The following RERE variants were observed in gnomAD, a reference collection of about 807,000 sequenced individuals.
The protein encoded by RERE is arginine-glutamic acid dipeptide repeats protein.
A neutral mutation model predicts 146.1 loss-of-function variants in RERE; 40 were observed. The ratio of observed to expected loss-of-function variants is 0.27; its 90% CI spans 0.21 to 0.36. RERE has a LOEUF of 0.36. RERE is among the 10% of genes least tolerant of loss of function. RERE has a pLI of 1.00. For missense variants in RERE, 1,933 were observed against 2,138.7 expected (o/e 0.90, Z 1.90); for synonymous variants, 1,003 against 866.0 (o/e 1.16, Z -2.78).
chr1:8,384,103 C>T (rs1642554518), intron 12 of RERE, among the ~76,000 whole-genome samples: 2 of 152,136 alleles, frequency 1.3e-5, no homozygotes, highest in Admixed American at 6.6e-5. Context: ...GCATAGGGAA[C>T]AGGTTGTACA....
chr1:8,724,861 T>G (rs989840733), intron 1 of RERE, among the ~76,000 whole-genome samples: 1 of 141,030 alleles, frequency 7.1e-6, no homozygotes, highest in African/African-American at 2.7e-5. Flanking sequence ...TACCTTTTAT[T>G]TCTAGATACT....
At chr1:8,759,994 A>T (rs1640721121) in intron 1 of RERE, among the ~76,000 whole-genome samples, 1 of 152,154 alleles carries the variant, frequency 6.6e-6, no homozygotes, top group South Asian at 2.1e-4. Context: ...CCCCAAGTAA[A>T]TAGACCTAGG....
chr1:8,503,534 T>C (rs1199861205), intron 8 of RERE, among the ~76,000 whole-genome samples: 1 of 152,160 alleles, frequency 6.6e-6, no homozygotes, highest in Admixed American at 6.5e-5. Flanking sequence ...TGGAGTTCTA[T>C]GAAATAGTAT....
chr1:8,718,154 G>A (rs1246081087), intron 1 of RERE, among the ~76,000 whole-genome samples: 2 of 152,212 alleles, frequency 1.3e-5, no homozygotes, highest in Non-Finnish European at 2.9e-5. Flanking sequence ...AGCAGAATGT[G>A]AGAGTAAGAA....
chr1:8,385,336 G>C (rs550754251), intron 12 of RERE, among the ~76,000 whole-genome samples: 2 of 152,066 alleles, frequency 1.3e-5, no homozygotes, highest in African/African-American at 2.4e-5. Context: ...CAGACTGCCC[G>C]TTTGTGCTTT....
chr1:8,431,253 C>T (rs769607001), intron 11 of RERE, among the ~76,000 whole-genome samples: 9 of 152,262 alleles, frequency 5.9e-5, no homozygotes, highest in South Asian at 4.1e-4. Flanking sequence ...CTTGCATTAC[C>T]GCCTGAGCTC....
At chr1:8,498,695 C>CA (rs1203388426) in intron 8 of RERE, among the ~76,000 whole-genome samples, 1,377 of 96,744 alleles carry the variant, frequency 0.014, 53 homozygotes, top group African/African-American at 0.045. Flanking sequence ...GACTCCATCT[C>CA]AAAAAAAAAA....
At chr1:8,710,087 G>C (rs1639636670) in intron 1 of RERE, among the ~76,000 whole-genome samples, 1 of 152,174 alleles carries the variant, frequency 6.6e-6, no homozygotes, top group East Asian at 1.9e-4. Context: ...TCAGTGAAAA[G>C]ATCCACTCTC....
chr1:8,510,237 GAC>G lies in RERE; in HGVS notation c.831-1564_831-1563del, dbSNP rs146807467. ...TTCATCAACATAAGACACTTCAAAAGACACAGTACAAAAATGTGAAGGGGAGG... is the reference window on the plus strand; with the variant it reads ...TTCATCAACATAAGACACTTCAAAAGACAGTACAAAAATGTGAAGGGGAGG... On this transcript the variant is annotated intron_variant, in intron 7 of 22. Transcript: ENST00000400908. 5.0e-3 allele frequency among the ~76,000 whole-genome samples: 766 copies of G among 152,092 alleles called. 6 individuals are homozygous for G. Among genetic ancestry groups the G allele is most frequent in the East Asian group, 0.027 (139 of 5,170 alleles).
Position 8,359,910 on chromosome 1 carries a change from T to G in RERE, c.3472A>C (p.Lys1158Gln). The G allele has an allele frequency of 6.2e-7, 1 of 1,613,394 alleles. No homozygotes were observed. Among genetic ancestry groups the G allele is most frequent in the African/African-American group, 1.3e-5 (1 of 75,056 alleles). ...DLYFMPLAGSKLAKKREEAIE... is the reference protein window; with the variant it reads ...DLYFMPLAGSQLAKKREEAIE... ...GCCTCCTCCCTCTTCTTGGCCAGCT[T>G]GGACCCGGCCAGAGGCATGAAGTAC... Residue 1158 changes from lysine to glutamine, a missense_variant, in exon 19 of 23, where the codon AAG becomes CAG. Lys to Gln is a moderately conservative substitution (Grantham distance 53). Around this residue, in one of 11 missense-constraint regions of RERE, gnomAD observed 1,255 missense variants for 1,153.8 expected, o/e 1.09. Coordinates refer to ENST00000400908, the MANE Select transcript of RERE (RefSeq NM_001042681.2).
intron 4 of RERE, among the ~76,000 whole-genome samples, chr1:8,582,639 T>C (rs1252048559): frequency 6.6e-6 from 1 of 152,102 alleles, no homozygotes; most frequent in African/African-American, 2.4e-5. Flanking sequence ...GGAGAATTGT[T>C]GAACCTGGGA....
chr1:8,435,932 C>T (rs563992702), intron 11 of RERE, among the ~76,000 whole-genome samples: 40 of 152,368 alleles, frequency 2.6e-4, no homozygotes, highest in Middle Eastern at 3.4e-3. Flanking sequence ...CAAATGAGAA[C>T]TGGCTAGTTA....
intron 2 of RERE, among the ~76,000 whole-genome samples, chr1:8,652,731 C>A (rs555625970): frequency 2.1e-4 from 32 of 152,326 alleles, no homozygotes; most frequent in African/African-American, 7.5e-4. Flanking sequence ...ATGGCGGAAA[C>A]TGCCCCCATG....
chr1:8,607,366 A>C (rs1415994509), intron 4 of RERE, among the ~76,000 whole-genome samples: 1 of 150,426 alleles, frequency 6.6e-6, no homozygotes, highest in Non-Finnish European at 1.5e-5. Context: ...TGTCTCCAAA[A>C]AAAAAAAAAA....
At chr1:8,805,001 GTTTT>G (rs1168699583) in intron 1 of RERE, among the ~76,000 whole-genome samples, 1 of 102,732 alleles carries the variant, frequency 9.7e-6, no homozygotes, top group African/African-American at 3.7e-5. Flanking sequence ...GTTTTGTTTT[GTTTT>G]TGGTTTTTTT....
At chr1:8,496,844 G>A (rs778023375) in intron 9 of RERE, among the ~76,000 whole-genome samples, 2 of 152,228 alleles carry the variant, frequency 1.3e-5, no homozygotes, top group Non-Finnish European at 2.9e-5. Flanking sequence ...CCACAAAGTA[G>A]AGACAGAACA....
At chr1:8,531,585 T>C (rs989275860) in intron 7 of RERE, among the ~76,000 whole-genome samples, 5 of 152,242 alleles carry the variant, frequency 3.3e-5, no homozygotes, top group Admixed American at 2.0e-4. Context: ...CCTCACATAT[T>C]TTCTTCTTCA....
intron 10 of RERE, 53 bp downstream of exon 10, chr1:8,495,010 G>T (rs1427551050): frequency 4.7e-6 from 6 of 1,288,326 alleles, no homozygotes; most frequent in Non-Finnish European, 2.3e-6. Flanking sequence ...CCTACAGCCA[G>T]TTCAGGGGAA....
chr1:8,804,919 C>CT (rs1569834420), intron 1 of RERE, among the ~76,000 whole-genome samples: 4 of 152,044 alleles, frequency 2.6e-5, no homozygotes, highest in Admixed American at 6.6e-5. Context: ...CTAATCCTAT[C>CT]TAACACACGG....
Sources: allele counts gnomAD v4.1 joint callset (sites outside exome capture counted in the v4.1 genomes callset), GRCh38; gene constraint gnomAD v4.1.1; regional missense constraint gnomAD v4.1.1; transcripts MANE v1.5; gene names NCBI Gene and HGNC (gene_info 2026-07-23, HGNC 2026-07-21).